MAP2K6: variants seen among roughly 807,000 people sequenced by gnomAD.
MAP2K6 encodes dual specificity mitogen-activated protein kinase kinase 6.
Under a neutral mutation model 53.7 loss-of-function variants are expected in MAP2K6, and 16 were observed. The ratio of observed to expected loss-of-function variants is 0.30; its 90% CI spans 0.20 to 0.45. The LOEUF (loss-of-function observed/expected upper bound fraction) is 0.45, where lower values mean the gene tolerates loss of function less well. Ranked by LOEUF, MAP2K6 falls within the 20% of genes least tolerant of loss-of-function variation. The pLI is 1.00. For missense variants in MAP2K6, 204 were observed against 411.9 expected (o/e 0.50, Z 4.37); for synonymous variants, 132 against 143.1 (o/e 0.92, Z 0.55).
intron 2 of MAP2K6, among the ~76,000 whole-genome samples, chr17:69,516,382 A>G (rs1235511981): frequency 1.3e-5 from 2 of 152,158 alleles, no homozygotes; most frequent in Non-Finnish European, 2.9e-5. Context: ...ATGGAGCTCA[A>G]GTGGTAATGT....
intron 2 of MAP2K6, among the ~76,000 whole-genome samples, chr17:69,514,856 C>T (rs550768490): frequency 6.8e-4 from 103 of 152,282 alleles, no homozygotes; most frequent in Admixed American, 2.9e-3. Flanking sequence ...GCCACTGCGC[C>T]TCCGCCCATA....
At chr17:69,464,194 C>T (rs1445779233) in intron 1 of MAP2K6, among the ~76,000 whole-genome samples, 1 of 151,264 alleles carries the variant, frequency 6.6e-6, no homozygotes, top group East Asian at 2.0e-4. Flanking sequence ...AAGCGATTTT[C>T]CTGCCTCAGC....
intron 1 of MAP2K6, among the ~76,000 whole-genome samples, chr17:69,457,605 C>G (rs1020514281): frequency 6.6e-6 from 1 of 151,966 alleles, no homozygotes; most frequent in Non-Finnish European, 1.5e-5. Flanking sequence ...TCTGGGAGGC[C>G]GAGGCAGGAG....
intron 1 of MAP2K6, among the ~76,000 whole-genome samples, chr17:69,473,422 G>A (rs984719131): frequency 2.6e-5 from 4 of 152,170 alleles, no homozygotes; most frequent in African/African-American, 9.7e-5. Context: ...TTATAGGTTT[G>A]TGTACAAAAA....
At chr17:69,481,763 T>C (rs1908358926) in intron 1 of MAP2K6, among the ~76,000 whole-genome samples, 1 of 152,216 alleles carries the variant, frequency 6.6e-6, no homozygotes. Flanking sequence ...GAACCCATCC[T>C]AAATACCATA....
At chr17:69,466,053 A>G (rs1907788112) in intron 1 of MAP2K6, among the ~76,000 whole-genome samples, 1 of 149,116 alleles carries the variant, frequency 6.7e-6, no homozygotes, top group Non-Finnish European at 1.5e-5. Context: ...TGGGTGGATC[A>G]CCTGAGGCCA....
intron 1 of MAP2K6, among the ~76,000 whole-genome samples, chr17:69,463,842 A>T (rs1907711223): frequency 6.6e-6 from 1 of 151,574 alleles, no homozygotes; most frequent in African/African-American, 2.4e-5. Flanking sequence ...ACATGATGAA[A>T]CCCCATCTCT....
intron 9 of MAP2K6, 44 bp downstream of exon 9, chr17:69,525,022 G>T: frequency 6.5e-7 from 1 of 1,536,412 alleles, no homozygotes; most frequent in South Asian, 1.1e-5. Flanking sequence ...TGTGGGTAAT[G>T]AAACTAGAAT....
At chr17:69,415,972 A>G (rs1168865809) in intron 1 of MAP2K6, among the ~76,000 whole-genome samples, 1 of 152,166 alleles carries the variant, frequency 6.6e-6, no homozygotes, top group Non-Finnish European at 1.5e-5. Flanking sequence ...AATTCCTGAT[A>G]TGACATCAAA....
intron 10 of MAP2K6, 53 bp from the exon 11 acceptor site, chr17:69,536,062 A>G (rs1288070179): frequency 9.1e-6 from 11 of 1,213,840 alleles, no homozygotes; most frequent in African/African-American, 1.5e-5. Context: ...ATCCTTGTCT[A>G]ATGAAAATAT....
chr17:69,434,650 C>T (rs1906579009), intron 1 of MAP2K6: 1 of 152,174 alleles, frequency 6.6e-6, no homozygotes, highest in African/African-American at 2.4e-5. Context: ...ATGGGCTCTT[C>T]CAAATTTCAT....
intron 1 of MAP2K6, among the ~76,000 whole-genome samples, chr17:69,475,155 G>T (rs916949130): frequency 5.4e-5 from 8 of 148,424 alleles, no homozygotes; most frequent in East Asian, 4.0e-4. Context: ...ATTTAAGATT[G>T]AAATCTGTGT....
At chr17:69,416,044 T>C (rs1055544919) in intron 1 of MAP2K6, among the ~76,000 whole-genome samples, 2 of 152,284 alleles carry the variant, frequency 1.3e-5, no homozygotes, top group African/African-American at 2.4e-5. Context: ...AGAACAATTG[T>C]TTCTTTACCA....
At chr17:69,487,906 G>C (rs905301968) in intron 1 of MAP2K6, among the ~76,000 whole-genome samples, 1 of 152,068 alleles carries the variant, frequency 6.6e-6, no homozygotes, top group Non-Finnish European at 1.5e-5. Context: ...TGAAATTACT[G>C]TATGCAGGAA....
In MAP2K6 at chr17:69,446,362, C is replaced by T. The variant is rs574802340; in HGVS notation, c.16+31362C>T. On this transcript the variant is annotated intron_variant, in intron 1 of 11. Coordinates refer to ENST00000590474, the MANE Select transcript of MAP2K6 (RefSeq NM_002758.4). ...AGCTTTTTGAGTGACACACAGAAAGCCTAAGCTATACTAAATGTTAAGAGA... is the reference window on the plus strand; with the variant it reads ...AGCTTTTTGAGTGACACACAGAAAGTCTAAGCTATACTAAATGTTAAGAGA... 9.2e-4 allele frequency among the ~76,000 whole-genome samples: 140 copies of T among 152,310 alleles called. No individual in the cohort carries two copies. The Middle Eastern group carries it at 0.024, about 26-fold the overall frequency.
chr17:69,440,347 C>G (rs962958734), intron 1 of MAP2K6, among the ~76,000 whole-genome samples: 1 of 151,838 alleles, frequency 6.6e-6, no homozygotes, highest in East Asian at 1.9e-4. Context: ...CACGCCTGGC[C>G]TAGACTTGAA....
intron 1 of MAP2K6, among the ~76,000 whole-genome samples, chr17:69,446,202 T>G (rs1906959858): frequency 6.6e-6 from 1 of 152,214 alleles, no homozygotes; most frequent in African/African-American, 2.4e-5. Context: ...GGAGGGTGGA[T>G]CTATCATTTG....
At chr17:69,503,883 A>G (rs1052354276) in intron 1 of MAP2K6, among the ~76,000 whole-genome samples, 2 of 152,190 alleles carry the variant, frequency 1.3e-5, no homozygotes, top group African/African-American at 4.8e-5. Context: ...GAGAAAACTG[A>G]GAGTCAGATG....
chr17:69,488,328 G>A (rs996712727), intron 1 of MAP2K6, among the ~76,000 whole-genome samples: 10 of 152,160 alleles, frequency 6.6e-5, no homozygotes, highest in African/African-American at 2.2e-4. Context: ...TAGTGGGAAC[G>A]TAAATTAGTT....
Sources: gnomAD v4.1 joint callset for allele counts (sites outside exome capture counted in the v4.1 genomes callset) on GRCh38, gnomAD v4.1.1 for gene constraint, MANE v1.5 for transcripts, NCBI Gene and HGNC (gene_info 2026-07-23, HGNC 2026-07-21) for gene names.